OXR1: variants seen among roughly 807,000 people sequenced by gnomAD.
OXR1 encodes the protein oxidation resistance 1.
In OXR1, 41 loss-of-function variants were observed where a neutral mutation model predicts 104.6. The observed-to-expected ratio is 0.39, with a 90% CI of 0.31 to 0.51. The LOEUF (loss-of-function observed/expected upper bound fraction) is 0.51, where lower values mean the gene tolerates loss of function less well. OXR1 is among the 20% of genes least tolerant of loss of function. The pLI is 0.77. For synonymous variants in OXR1, 348 were observed against 348.4 expected (o/e 1.00, Z 0.01); for missense variants, 955 against 1,031.9 (o/e 0.93, Z 1.02).
intron 5 of OXR1, among the ~76,000 whole-genome samples, chr8:106,683,915 A>G (rs3110429): frequency 0.082 from 12,448 of 152,218 alleles, 712 homozygotes; most frequent in East Asian, 0.2. Context: ...GTATTTCTGT[A>G]GGGTGAATTC....
In OXR1 at chr8:106,708,896, A is replaced by G. The variant is rs10086122; in HGVS notation, c.1625-1726A>G. ...CATTTTACCTTCCCTGCGGCAGTAC[A>G]CAAGATTTGGGTCAGTTTTTAAAAT... On this transcript the variant is annotated intron_variant, in intron 9 of 16. Coordinates refer to ENST00000517566, the MANE Select transcript of OXR1 (RefSeq NM_001198533.2). Among the ~76,000 whole-genome samples the G allele has an allele frequency of 3.0e-3, 458 of 152,122 alleles. 4 individuals are homozygous for G. Among genetic ancestry groups the G allele is most frequent in the African/African-American group, 0.01 (428 of 41,450 alleles).
At chr8:106,683,527 A>G (rs1017668889) in intron 5 of OXR1, among the ~76,000 whole-genome samples, 5 of 152,086 alleles carry the variant, frequency 3.3e-5, no homozygotes, top group African/African-American at 1.2e-4. Context: ...TTCTTTTTAA[A>G]TATAGTTACA....
chr8:106,578,712 T>C (rs995364760), intron 3 of OXR1, among the ~76,000 whole-genome samples: 9 of 152,240 alleles, frequency 5.9e-5, no homozygotes, highest in African/African-American at 2.2e-4. Flanking sequence ...AATACAATTA[T>C]TAATTTGTAA....
At chr8:106,637,456 T>C (rs998413678) in intron 3 of OXR1, among the ~76,000 whole-genome samples, 3 of 152,154 alleles carry the variant, frequency 2.0e-5, no homozygotes, top group Admixed American at 1.3e-4. Flanking sequence ...TTTTATTTCA[T>C]TCTGTAATGA....
chr8:106,342,426 T>G (rs1179344190), intron 1 of OXR1, among the ~76,000 whole-genome samples: 1 of 151,956 alleles, frequency 6.6e-6, no homozygotes, highest in Non-Finnish European at 1.5e-5. Flanking sequence ...AATTTTTTTT[T>G]GTAATTTTAG....
chr8:106,591,899 C>A (rs933035341), intron 3 of OXR1, among the ~76,000 whole-genome samples: 2 of 152,202 alleles, frequency 1.3e-5, no homozygotes, highest in African/African-American at 4.8e-5. Context: ...CAAGGTTATT[C>A]ATAAAATGGT....
intron 2 of OXR1, among the ~76,000 whole-genome samples, chr8:106,455,840 T>C (rs1003090891): frequency 1.3e-5 from 2 of 152,252 alleles, no homozygotes; most frequent in Non-Finnish European, 1.5e-5. Flanking sequence ...ATATATTTAG[T>C]GTTTTCCCAA....
chr8:106,401,599 A>G (rs1210543932), intron 2 of OXR1, among the ~76,000 whole-genome samples: 1 of 152,164 alleles, frequency 6.6e-6, no homozygotes, highest in Non-Finnish European at 1.5e-5. Context: ...AGTAACACAC[A>G]CAAATGAGGA....
At chr8:106,404,353 A>G (rs1276170967) in intron 2 of OXR1, among the ~76,000 whole-genome samples, 3 of 152,282 alleles carry the variant, frequency 2.0e-5, no homozygotes, top group Admixed American at 6.5e-5. Flanking sequence ...CTCCATCCCA[A>G]CTTACAGGAT....
At chr8:106,416,918 G>T in intron 2 of OXR1, among the ~76,000 whole-genome samples, 1 of 152,072 alleles carries the variant, frequency 6.6e-6, no homozygotes, top group East Asian at 1.9e-4. Context: ...ATCTTTTGTG[G>T]TTGGTGAGAT....
chr8:106,699,471 G>T (rs1830395771), intron 7 of OXR1, among the ~76,000 whole-genome samples: 1 of 152,088 alleles, frequency 6.6e-6, no homozygotes, highest in Non-Finnish European at 1.5e-5. Flanking sequence ...CTGATCTTAT[G>T]TGTTTCTCCT....
chr8:106,456,265 G>T (rs1468924798), intron 2 of OXR1, among the ~76,000 whole-genome samples: 1 of 152,116 alleles, frequency 6.6e-6, no homozygotes, highest in Non-Finnish European at 1.5e-5. Flanking sequence ...TTACCCACTT[G>T]CCTGCTTCCT....
intron 3 of OXR1, among the ~76,000 whole-genome samples, chr8:106,655,310 T>G (rs1824955952): frequency 2.0e-5 from 3 of 151,896 alleles, no homozygotes; most frequent in Admixed American, 2.0e-4. Flanking sequence ...GAATAAAGTT[T>G]TTTTTTTTTA....
intron 2 of OXR1, among the ~76,000 whole-genome samples, chr8:106,424,609 A>G (rs952716626): frequency 2.0e-5 from 3 of 152,126 alleles, no homozygotes; most frequent in Non-Finnish European, 4.4e-5. Context: ...AAATTTTCCA[A>G]CATCTAAAAT....
chr8:106,362,760 C>T (rs1816299605), intron 2 of OXR1, among the ~76,000 whole-genome samples: 1 of 152,132 alleles, frequency 6.6e-6, no homozygotes, highest in Admixed American at 6.5e-5. Context: ...TGACAGGTTC[C>T]AGGCTAATCT....
Position 106,588,263 on chromosome 8 carries a change from A to AT in OXR1, c.220+69137dup, listed in dbSNP as rs983307922. On this transcript the variant is annotated intron_variant, in intron 3 of 16. Transcript: ENST00000517566. ...CATGAGCCACCGCATCCGGCCAACA[A>AT]TTTTTTTTTTTTTAAATAGAAGAAG... Among the ~76,000 whole-genome samples the AT allele has an allele frequency of 4.5e-3, 661 of 146,158 alleles. 5 individuals are homozygous for AT. The highest frequency in any genetic ancestry group is 0.016 in the East Asian group (78 of 4,994).
chr8:106,570,591 C>T (rs1817402166), intron 3 of OXR1, among the ~76,000 whole-genome samples: 11 of 152,152 alleles, frequency 7.2e-5, no homozygotes, highest in Admixed American at 7.2e-4. Flanking sequence ...ACTGTTCTCT[C>T]TTCTGAAATG....
chr8:106,320,821 A>G (rs1030743444), intron 1 of OXR1, among the ~76,000 whole-genome samples: 1 of 151,890 alleles, frequency 6.6e-6, no homozygotes, highest in East Asian at 1.9e-4. Flanking sequence ...ACAGGCATGT[A>G]CCACCATGCC....
At chr8:106,697,442 C>T in intron 7 of OXR1, 1 of 1,547,158 alleles carries the variant, frequency 6.5e-7, no homozygotes, top group Non-Finnish European at 8.9e-7. Flanking sequence ...TCTGGTGTGG[C>T]ATCCAGTAGC....
Sources: gnomAD v4.1 joint callset for allele counts (sites outside exome capture counted in the v4.1 genomes callset) on GRCh38, gnomAD v4.1.1 for gene constraint, MANE v1.5 for transcripts, NCBI Gene and HGNC (gene_info 2026-07-23, HGNC 2026-07-21) for gene names.